Variants in GAB1 observed in about 807,000 individuals in gnomAD.
GAB1 encodes the protein GRB2 associated binding protein 1, also known as GRB2-associated-binding protein 1.
GAB1 carries 19 observed loss-of-function variants against 66.5 expected under a neutral mutation model. The observed-to-expected ratio is 0.29, with a 90% CI of 0.20 to 0.42. GAB1 has a LOEUF of 0.42. Ranked by LOEUF, GAB1 falls within the 10% of genes least tolerant of loss-of-function variation. The pLI, the probability that GAB1 is intolerant of heterozygous loss-of-function variation, is 1.00. For synonymous variants in GAB1, 294 were observed against 301.4 expected (o/e 0.98, Z 0.25); for missense variants, 732 against 858.5 (o/e 0.85, Z 1.84).
intron 2 of GAB1, chr4:143,425,963 A>G: frequency 1.3e-6 from 1 of 776,404 alleles, no homozygotes; most frequent in Non-Finnish European, 2.1e-6. Context: ...AGCAACATGG[A>G]AAATAAACAT....
rs1052773148 is a variant in GAB1 at position 143,470,089 on chromosome 4, G to A, written c.*900G>A. ...TTGTGTTCTTGTTAGTCCTAATATTGGTTTTCAGTTTGGAATTAATAAAGC... is the reference window on the plus strand; with the variant it reads ...TTGTGTTCTTGTTAGTCCTAATATTAGTTTTCAGTTTGGAATTAATAAAGC... On this transcript the variant is annotated 3_prime_UTR_variant, in exon 10 of 10. Coordinates refer to ENST00000262994, the MANE Select transcript of GAB1 (RefSeq NM_002039.4). 3 of 152,102 alleles carry A rather than the reference G, an allele frequency of 2.0e-5. No individual in the cohort carries two copies. Among genetic ancestry groups the A allele is most frequent in the African/African-American group, 7.2e-5 (3 of 41,392 alleles). The allele number at this position is 152,102 out of a possible 1,614,324, so 9.4% of individuals were successfully genotyped here.
At chr4:143,362,840 C>A (rs1431777723) in intron 1 of GAB1, among the ~76,000 whole-genome samples, 1 of 152,184 alleles carries the variant, frequency 6.6e-6, no homozygotes, top group African/African-American at 2.4e-5. Context: ...AACTTCCTGG[C>A]AGGGCAGCCC....
chr4:143,354,212 T>C (rs1262899576), intron 1 of GAB1, among the ~76,000 whole-genome samples: 2 of 152,230 alleles, frequency 1.3e-5, no homozygotes, highest in Non-Finnish European at 2.9e-5. Context: ...CTTGCTTTCT[T>C]TTGTTTTTAA....
chr4:143,384,148 A>G (rs1226087571), intron 1 of GAB1, among the ~76,000 whole-genome samples: 1 of 152,214 alleles, frequency 6.6e-6, no homozygotes, highest in African/African-American at 2.4e-5. Context: ...AATTATAGAA[A>G]TAATTGGCTT....
chr4:143,392,361 T>C (rs192049905), intron 1 of GAB1, among the ~76,000 whole-genome samples: 1 of 152,368 alleles, frequency 6.6e-6, no homozygotes, highest in Non-Finnish European at 1.5e-5. Context: ...AAGTATATGA[T>C]GTGGTGGAGT....
intron 1 of GAB1, among the ~76,000 whole-genome samples, chr4:143,338,064 G>GGT (rs1728718927): frequency 6.6e-6 from 1 of 152,112 alleles, no homozygotes; most frequent in African/African-American, 2.4e-5. Flanking sequence ...TGGCTTTAAT[G>GGT]GTGTTTGTGT....
At chr4:143,375,864 GCA>G (rs1307165007) in intron 1 of GAB1, among the ~76,000 whole-genome samples, 1 of 152,050 alleles carries the variant, frequency 6.6e-6, no homozygotes. Flanking sequence ...TGCCAGTAGT[GCA>G]CCCCATCCCC....
chr4:143,450,493 CT>C (rs1476995573), intron 6 of GAB1, among the ~76,000 whole-genome samples: 13 of 152,128 alleles, frequency 8.5e-5, no homozygotes, highest in Non-Finnish European at 1.6e-4. Flanking sequence ...TAGATCACAT[CT>C]ATTTAATTGA....
At chr4:143,458,229 C>T (rs1465317946) in intron 6 of GAB1, among the ~76,000 whole-genome samples, 1 of 152,086 alleles carries the variant, frequency 6.6e-6, no homozygotes, top group Non-Finnish European at 1.5e-5. Flanking sequence ...TAAAGAAATA[C>T]TTTCACTCAG....
At chr4:143,421,100 C>T (rs1282076430) in intron 2 of GAB1, among the ~76,000 whole-genome samples, 2 of 152,024 alleles carry the variant, frequency 1.3e-5, no homozygotes, top group African/African-American at 4.8e-5. Context: ...AAAGCCTCCA[C>T]CCAAATTAAC....
At chr4:143,371,985 GCAT>G (rs1730141831) in intron 1 of GAB1, among the ~76,000 whole-genome samples, 1 of 152,122 alleles carries the variant, frequency 6.6e-6, no homozygotes, top group Non-Finnish European at 1.5e-5. Flanking sequence ...TGTTCATTCA[GCAT>G]CTAGTTTAAT....
chr4:143,350,192 T>A, intron 1 of GAB1: 1 of 634,512 alleles, frequency 1.6e-6, no homozygotes. Flanking sequence ...CCTAAATGTA[T>A]CATGGGCCCC....
At chr4:143,407,721 C>G (rs1456877363) in intron 1 of GAB1, among the ~76,000 whole-genome samples, 2 of 152,084 alleles carry the variant, frequency 1.3e-5, no homozygotes, top group Non-Finnish European at 2.9e-5. Flanking sequence ...AAACTTCCAC[C>G]GAGCCTGTTT....
At position 143,429,068 on chromosome 4, in the gene GAB1, G is replaced by T. The variant is rs576706865; in HGVS notation, c.368-4423G>T. Among the ~76,000 whole-genome samples the T allele has an allele frequency of 2.6e-5, 4 of 152,092 alleles. No homozygotes were observed. The East Asian group carries it at 7.7e-4, about 29-fold the overall frequency. On this transcript the variant is annotated intron_variant, in intron 2 of 9. Transcript: ENST00000262994. ...AAAATAGACTTTAGTCTTATACTTG[G>T]CCCATTATTTGCATAAAGTGCAGCA...
chr4:143,439,595 T>A (rs1453467056), intron 4 of GAB1: 1 of 498,830 alleles, frequency 2.0e-6, no homozygotes, highest in South Asian at 3.1e-5. Context: ...ATATTGGTAT[T>A]GGTTAGCATA....
chr4:143,343,426 TG>T (rs1728888607), intron 1 of GAB1: 2 of 154,882 alleles, frequency 1.3e-5, no homozygotes, highest in Admixed American at 1.3e-4. Flanking sequence ...GCTCCTGGGC[TG>T]GGTGCTGTGT....
intron 2 of GAB1, among the ~76,000 whole-genome samples, chr4:143,416,705 C>T (rs1183001364): frequency 2.6e-5 from 4 of 151,596 alleles, no homozygotes; most frequent in Non-Finnish European, 4.4e-5. Context: ...ACCCAGGAGG[C>T]GGAGGCTACA....
At chr4:143,384,775 C>T (rs2149679907) in intron 1 of GAB1, among the ~76,000 whole-genome samples, 1 of 152,304 alleles carries the variant, frequency 6.6e-6, no homozygotes, top group Admixed American at 6.5e-5. Flanking sequence ...GAGGTGATGG[C>T]AGTAGCTGGG....
In GAB1 at chr4:143,347,342, C is replaced by T. The variant is rs546299078; in HGVS notation, c.72+10082C>T. On this transcript the variant is annotated intron_variant, in intron 1 of 9. Coordinates refer to ENST00000262994, the MANE Select transcript of GAB1 (RefSeq NM_002039.4). ...GTTTGAGTGTCCTTTGGCTTTTAAT[C>T]CAGTTTTACTTTCTATGATTTGCAT... Among the ~76,000 whole-genome samples, 15 of 152,304 alleles carry T rather than the reference C, an allele frequency of 9.8e-5. No individual in the cohort carries two copies. In the South Asian group the frequency reaches 3.1e-3, roughly 32 times the overall value.
Sources: allele counts gnomAD v4.1 joint callset (sites outside exome capture counted in the v4.1 genomes callset), GRCh38; gene constraint gnomAD v4.1.1; transcripts MANE v1.5; gene names NCBI Gene and HGNC (gene_info 2026-07-23, HGNC 2026-07-21).